ATG4B: variants seen among roughly 807,000 people sequenced by gnomAD.
ATG4B encodes the protein cysteine protease ATG4B.
In ATG4B, 29 loss-of-function variants were observed where a neutral mutation model predicts 56.6. The observed-to-expected ratio is 0.51, with a 90% CI of 0.38 to 0.70. The LOEUF (loss-of-function observed/expected upper bound fraction) is 0.70. Ranked by LOEUF, ATG4B falls within the 30% of genes least tolerant of loss-of-function variation. ATG4B has a pLI of 0.00. For missense variants in ATG4B, 461 were observed against 515.5 expected (o/e 0.89, Z 1.02); for synonymous variants, 224 against 206.1 (o/e 1.09, Z -0.74).
At chr2:241,654,814 G>A (rs905763746) in intron 5 of ATG4B, 167 bp downstream of exon 5, 6 of 624,898 alleles carry the variant, frequency 9.6e-6, no homozygotes, top group Admixed American at 3.0e-5. Context: ...CATCACCCCC[G>A]TGTCATCCCA....
intron 5 of ATG4B, chr2:241,654,938 A>C (rs2068349221): frequency 5.3e-6 from 3 of 569,892 alleles, no homozygotes; most frequent in African/African-American, 3.7e-5. Context: ...TCGCCCCATC[A>C]GTGAATCTGA....
At chr2:241,664,087 G>A (rs1211304601) in intron 7 of ATG4B, among the ~76,000 whole-genome samples, 2 of 151,858 alleles carry the variant, frequency 1.3e-5, no homozygotes, top group African/African-American at 4.8e-5. Flanking sequence ...CAGAGTGCTG[G>A]GATTACAGGC....
At chr2:241,650,977 T>C in intron 1 of ATG4B, 33 bp from the exon 2 acceptor site, 2 of 1,546,464 alleles carry the variant, frequency 1.3e-6, no homozygotes, top group Middle Eastern at 1.7e-4. Flanking sequence ...AAATTATAAG[T>C]GTCTGATGAT....
chr2:241,651,141 C>T lies in ATG4B; in HGVS notation c.112+30C>T. 1.6e-5 allele frequency: 25 copies of T among 1,593,796 alleles called. No individual in the cohort carries two copies. Among genetic ancestry groups the T allele is most frequent in the Non-Finnish European group, 2.1e-5 (25 of 1,166,714 alleles). ...CGGCCATGCTGGAGCCCACCCTGGT[C>T]TGACCGCTTGGCCTGCAGAAGCATT... On this transcript the variant is annotated intron_variant, in intron 2 of 12. Coordinates refer to ENST00000404914, the MANE Select transcript of ATG4B (RefSeq NM_013325.5). This position sits in a 1 kb window ranked among gnomAD's most constrained non-coding sequence, Gnocchi z 4.1.
chr2:241,639,682 G>A (rs1163476568), intron 1 of ATG4B, among the ~76,000 whole-genome samples: 1 of 152,208 alleles, frequency 6.6e-6, no homozygotes, highest in Admixed American at 6.5e-5. Context: ...AAGTCGGGTG[G>A]TCTCCCTTGG....
chr2:241,645,828 C>T (rs904523136), intron 1 of ATG4B, among the ~76,000 whole-genome samples: 11 of 151,974 alleles, frequency 7.2e-5, no homozygotes, highest in African/African-American at 2.4e-4. Flanking sequence ...ATGTATGACT[C>T]GCTCCCAACA....
At position 241,651,304 on chromosome 2, in the gene ATG4B, G is replaced by T; in HGVS notation, c.153G>T (p.Trp51Cys). Reference protein sequence around the residue: ...EILSDVASRLWFTYRKNFPAI... With the variant: ...EILSDVASRLCFTYRKNFPAI... ...TGTCTGATGTGGCATCTAGACTTTG[G>T]TTTACATACAGGAAAAACTTTCCAG... Residue 51 changes from tryptophan (W) to cysteine (C), a missense_variant, in exon 3 of 13, where the codon TGG becomes TGT. Physicochemically the swap from Trp to Cys is radical, Grantham distance 215. Coordinates refer to ENST00000404914, the MANE Select transcript of ATG4B (RefSeq NM_013325.5). This position sits in a 1 kb window ranked among gnomAD's most constrained non-coding sequence, Gnocchi z 4.1. The T allele has an allele frequency of 6.2e-7, 1 of 1,602,450 alleles. No individual in the cohort carries two copies. The highest frequency in any genetic ancestry group is 8.5e-7 in the Non-Finnish European group (1 of 1,174,084).
chr2:241,643,646 G>A (rs2067971906), intron 1 of ATG4B, among the ~76,000 whole-genome samples: 2 of 133,714 alleles, frequency 1.5e-5, no homozygotes, highest in Admixed American at 7.8e-5. Flanking sequence ...ACACATATAT[G>A]TATAAATATA....
In ATG4B at chr2:241,668,721, T is replaced by C; in HGVS notation, c.957+36T>C. 6.5e-7 allele frequency: 1 copy of C among 1,538,838 alleles called. No individual in the cohort carries two copies. Among genetic ancestry groups the C allele is most frequent in the Non-Finnish European group, 8.7e-7 (1 of 1,147,852 alleles). On this transcript the variant is annotated intron_variant, in intron 10 of 12. Coordinates refer to ENST00000404914, the MANE Select transcript of ATG4B (RefSeq NM_013325.5). The surrounding 1 kb of genome is among the most constrained non-coding windows in gnomAD (Gnocchi z 4.2). ...GCCACCTGAGCACACAGGCATTTGGTGCTGAATGCTGTTTGGGAATGACGA... is the reference window on the plus strand; with the variant it reads ...GCCACCTGAGCACACAGGCATTTGGCGCTGAATGCTGTTTGGGAATGACGA...
At chr2:241,666,595 C>A in intron 7 of ATG4B, 50 bp from the exon 8 acceptor site, 1 of 1,581,038 alleles carries the variant, frequency 6.3e-7, no homozygotes, top group South Asian at 1.1e-5. Flanking sequence ...GTTGTGGGAG[C>A]ACTTTTGCAC....
At position 241,668,728 on chromosome 2, in the gene ATG4B, T is replaced by C; in HGVS notation, c.957+43T>C. On this transcript the variant is annotated intron_variant, in intron 10 of 12. Coordinates refer to ENST00000404914, the MANE Select transcript of ATG4B (RefSeq NM_013325.5). The surrounding 1 kb of genome is among the most constrained non-coding windows in gnomAD (Gnocchi z 4.2). ...GAGCACACAGGCATTTGGTGCTGAA[T>C]GCTGTTTGGGAATGACGAGGAAAAC... 2.6e-6 allele frequency: 4 copies of C among 1,536,658 alleles called. No individual in the cohort carries two copies. Among genetic ancestry groups the C allele is most frequent in the Non-Finnish European group, 3.5e-6 (4 of 1,146,734 alleles).
intron 1 of ATG4B, among the ~76,000 whole-genome samples, chr2:241,638,895 T>C (rs953585253): frequency 1.1e-4 from 16 of 152,208 alleles, no homozygotes; most frequent in Admixed American, 3.3e-4. Context: ...TTTACAACTG[T>C]TGTATTATAT....
intron 7 of ATG4B, among the ~76,000 whole-genome samples, chr2:241,662,812 C>G (rs1487462031): frequency 6.6e-6 from 1 of 151,850 alleles, no homozygotes; most frequent in Non-Finnish European, 1.5e-5. Flanking sequence ...CGCGGTGGCT[C>G]ACGCCTATAA....
intron 11 of ATG4B, 137 bp from the exon 12 acceptor site, chr2:241,671,175 G>C: frequency 3.9e-6 from 3 of 762,426 alleles, no homozygotes; most frequent in Non-Finnish European, 6.6e-6. Flanking sequence ...AGCCTTTAGT[G>C]TGGAGCTGCC....
At chr2:241,663,496 A>C (rs747336440) in intron 7 of ATG4B, among the ~76,000 whole-genome samples, 37 of 152,194 alleles carry the variant, frequency 2.4e-4, no homozygotes, top group Non-Finnish European at 5.0e-4. Context: ...GACCGTAACT[A>C]TGTATCTGAA....
intron 6 of ATG4B, among the ~76,000 whole-genome samples, chr2:241,656,844 C>T (rs966465659): frequency 2.0e-5 from 3 of 152,254 alleles, no homozygotes; most frequent in Admixed American, 6.5e-5. Flanking sequence ...GACGGAGTCT[C>T]GCTCTGTCGC....
chr2:241,671,414 T>A lies in ATG4B; in HGVS notation c.1108+9T>A. 1 of 1,613,334 alleles carries A rather than the reference T, an allele frequency of 6.2e-7. No individual in the cohort carries two copies. Among genetic ancestry groups the A allele is most frequent in the Non-Finnish European group, 8.5e-7 (1 of 1,179,738 alleles). ...CCTGAACCTGTCCCTAGGTGAGAGC[T>A]GCCAAGTCCAGGTGGGGTCCCTCGG... is the stretch of plus-strand genomic sequence containing the variant. On this transcript the variant is annotated intron_variant, in intron 12 of 12. Coordinates refer to ENST00000404914, the MANE Select transcript of ATG4B (RefSeq NM_013325.5).
chr2:241,661,291 C>T (rs1461606293), intron 7 of ATG4B, among the ~76,000 whole-genome samples: 1 of 152,174 alleles, frequency 6.6e-6, no homozygotes, highest in East Asian at 1.9e-4. Flanking sequence ...GAAAGGCATC[C>T]ACATCCAGCC....
chr2:241,654,012 GAAGA>G (rs1230483372), intron 4 of ATG4B, among the ~76,000 whole-genome samples: 2 of 106,626 alleles, frequency 1.9e-5, no homozygotes, highest in South Asian at 5.5e-4. Context: ...AAAAAAAAAA[GAAGA>G]AGAAGAATGC....
Sources: gnomAD v4.1 joint callset for allele counts (sites outside exome capture counted in the v4.1 genomes callset) on GRCh38, gnomAD v4.1.1 for gene constraint, Gnocchi (gnomAD v3.1) non-coding constraint, MANE v1.5 for transcripts, NCBI Gene and HGNC (gene_info 2026-07-23, HGNC 2026-07-21) for gene names.